The following RGPD8 variants were observed in gnomAD, a reference collection of about 807,000 sequenced individuals.
RGPD8 encodes RANBP2-like and GRIP domain-containing protein 8.
Under a neutral mutation model 89.1 loss-of-function variants are expected in RGPD8, and 15 were observed. The ratio of observed to expected loss-of-function variants is 0.17; its 90% CI spans 0.11 to 0.26. RGPD8 has a LOEUF of 0.26. Among genes scored for constraint, RGPD8 ranks in the 10% least tolerant of loss-of-function variants. The probability of loss-of-function intolerance (pLI) is 1.00; values close to 1 mark genes in which losing one functional copy is unlikely to be tolerated. For synonymous variants in RGPD8, 62 were observed against 420.9 expected (o/e 0.15, Z 10.44); for missense variants, 178 against 1,179.6 (o/e 0.15, Z 12.44).
chr2:112,414,737 C>A (rs1159091082), intron 6 of RGPD8, among the ~76,000 whole-genome samples: 1 of 70,992 alleles, frequency 1.4e-5, no homozygotes, highest in African/African-American at 6.7e-5. Context: ...GAGACCGAGA[C>A]CAGCCGGGCG....
At chr2:112,424,510 A>G (rs1679677332) in intron 1 of RGPD8, among the ~76,000 whole-genome samples, 1 of 152,106 alleles carries the variant, frequency 6.6e-6, no homozygotes, top group Non-Finnish European at 1.5e-5. Flanking sequence ...ACCTGAGGTC[A>G]GGAGTTTGAG....
intron 6 of RGPD8, 23 bp downstream of exon 6, chr2:112,417,170 C>T: frequency 6.2e-7 from 1 of 1,608,220 alleles, no homozygotes; most frequent in South Asian, 1.1e-5. Context: ...TATACTAAAG[C>T]ATTCTCCTCA....
At chr2:112,427,610 A>G (rs1372027791) in intron 1 of RGPD8, among the ~76,000 whole-genome samples, 2 of 152,086 alleles carry the variant, frequency 1.3e-5, no homozygotes, top group Non-Finnish European at 1.5e-5. Flanking sequence ...CCAAAACTTA[A>G]TATTTGTGGC....
At chr2:112,412,828 CT>C (rs1679239489) in intron 6 of RGPD8, among the ~76,000 whole-genome samples, 1 of 148,852 alleles carries the variant, frequency 6.7e-6, no homozygotes, top group African/African-American at 2.5e-5. Context: ...ATACTTCATG[CT>C]TAACCTCTCA....
At chr2:112,429,591 A>G (rs947089555) in intron 1 of RGPD8, among the ~76,000 whole-genome samples, 5 of 152,060 alleles carry the variant, frequency 3.3e-5, no homozygotes, top group Non-Finnish European at 5.9e-5. Context: ...CTAAGTACTC[A>G]GGAAACAGAG....
Position 112,422,667 on chromosome 2 carries a change from T to G in RGPD8, c.141-8A>C. On this transcript the variant is annotated splice_polypyrimidine_tract_variant and splice_region_variant and intron_variant, in intron 2 of 22. Transcript: ENST00000302558. Reference sequence around the variant, plus strand: ...ATGTAAGTACATATGTATCTGTTTTTTAAAAGTAATACAAAAGTAAATTAA... The same window carrying G: ...ATGTAAGTACATATGTATCTGTTTTGTAAAAGTAATACAAAAGTAAATTAA... The G allele has an allele frequency of 1.3e-6, 2 of 1,498,140 alleles. No individual in the cohort carries two copies. The highest frequency in any genetic ancestry group is 1.8e-6 in the Non-Finnish European group (2 of 1,106,792). 92.8% of individuals were successfully genotyped at this position (1,498,140 alleles called of 1,614,324 possible).
intron 7 of RGPD8, among the ~76,000 whole-genome samples, chr2:112,411,022 T>C (rs1679164448): frequency 1.3e-5 from 2 of 151,896 alleles, no homozygotes; most frequent in Admixed American, 6.6e-5. Context: ...GAGGCAGAGG[T>C]TGCAGTGAGC....
chr2:112,433,405 C>T lies in RGPD8; in HGVS notation c.49G>A (p.Gly17Ser). 5.6e-6 allele frequency: 9 copies of T among 1,610,622 alleles called. No individual in the cohort carries two copies. The highest frequency in any genetic ancestry group is 6.8e-6 in the Non-Finnish European group (8 of 1,179,186). ...ACCTGTCGAGGCGACGGGGTGAGACCCAGCACCGAGGCGACGTACCGCTCC... is the reference window on the plus strand; with the variant it reads ...ACCTGTCGAGGCGACGGGGTGAGACTCAGCACCGAGGCGACGTACCGCTCC... ...DVERYVASVL[G>S]LTPSPRQKSM... Residue 17 changes from glycine (G) to serine (S), a missense_variant, in exon 1 of 23, where the codon GGT becomes AGT. Coordinates refer to ENST00000302558, the MANE Select transcript of RGPD8 (RefSeq NM_001164463.1).
At chr2:112,428,996 T>C (rs960754276) in intron 1 of RGPD8, among the ~76,000 whole-genome samples, 2 of 151,156 alleles carry the variant, frequency 1.3e-5, no homozygotes, top group African/African-American at 4.9e-5. Context: ...AATGCAAAAA[T>C]ATTTACCTTC....
intron 21 of RGPD8, among the ~76,000 whole-genome samples, chr2:112,379,385 AGG>A (rs1678201326): frequency 6.6e-6 from 1 of 151,018 alleles, no homozygotes; most frequent in African/African-American, 2.4e-5. Flanking sequence ...TCACGAGGTC[AGG>A]AGATTCAGAC....
Position 112,433,601 on chromosome 2 carries a change from C to G in RGPD8, c.-148G>C, listed in dbSNP as rs1390937606. 28 of 865,862 alleles carry G rather than the reference C, an allele frequency of 3.2e-5. No homozygotes were observed. The highest frequency in any genetic ancestry group is 4.5e-5 in the Non-Finnish European group (26 of 576,200). The allele number at this position is 865,862 out of a possible 1,614,324, so 53.6% of individuals were successfully genotyped here. A position where few individuals can be genotyped will look rare whatever the true frequency, so the allele number is the denominator to read the frequency against. ...TGTGACGAGCGTGCGGCGCCGCCCA[C>G]GGAGGCCCACTGTGACGAACCTGCG... On this transcript the variant is annotated 5_prime_UTR_variant, in exon 1 of 23. Transcript: ENST00000302558.
At chr2:112,410,580 A>G (rs1271148214) in intron 7 of RGPD8, among the ~76,000 whole-genome samples, 1 of 150,878 alleles carries the variant, frequency 6.6e-6, no homozygotes, top group Non-Finnish European at 1.5e-5. Context: ...GATCGAGACC[A>G]TCCTGGCTAA....
At chr2:112,433,244 C>A (rs560283384) in intron 1 of RGPD8, 138 bp downstream of exon 1, 3 of 967,548 alleles carry the variant, frequency 3.1e-6, no homozygotes, top group Admixed American at 8.3e-5. Flanking sequence ...TGGAGGCCGC[C>A]GCCTCAACAG....
chr2:112,414,425 C>T (rs1217831775), intron 6 of RGPD8, among the ~76,000 whole-genome samples: 4 of 102,056 alleles, frequency 3.9e-5, no homozygotes, highest in African/African-American at 4.5e-5. Context: ...TGCAGTGATC[C>T]GAGATCACAC....
chr2:112,430,253 G>T lies in RGPD8; in HGVS notation c.72+3129C>A, dbSNP rs927048815. 3.0e-4 allele frequency among the ~76,000 whole-genome samples: 45 copies of T among 152,128 alleles called. 2 individuals are homozygous for T. The highest frequency in any genetic ancestry group is 2.4e-5 in the African/African-American group (1 of 41,408). The stretch of plus-strand genomic sequence containing the variant: ...GGCCAGCCTCTGCCAAACTGGGGGA[G>T]AATACTAACCTCTTCATATTCTTCA... On this transcript the variant is annotated intron_variant, in intron 1 of 22. Transcript: ENST00000302558.
chr2:112,431,273 A>C (rs1434476864), intron 1 of RGPD8, among the ~76,000 whole-genome samples: 1 of 152,122 alleles, frequency 6.6e-6, no homozygotes, highest in Non-Finnish European at 1.5e-5. Context: ...ATAAAATAAC[A>C]CAAAAATTAA....
intron 20 of RGPD8, among the ~76,000 whole-genome samples, chr2:112,385,615 TATTA>T (rs1319517542): frequency 1.4e-5 from 2 of 139,944 alleles, no homozygotes; most frequent in Non-Finnish European, 3.1e-5. Context: ...TTAATTTTTA[TATTA>T]ATTAGAAGTT....
intron 6 of RGPD8, among the ~76,000 whole-genome samples, chr2:112,413,564 C>A (rs1679268154): frequency 7.9e-6 from 1 of 126,552 alleles, no homozygotes. Context: ...ATAAAGCAAC[C>A]AGAGCAAGTG....
At chr2:112,422,432 T>C (rs1039350478) in intron 3 of RGPD8, 116 bp downstream of exon 3, 22 of 1,465,358 alleles carry the variant, frequency 1.5e-5, no homozygotes, top group Middle Eastern at 2.4e-4. Context: ...AATTGTACTA[T>C]GATACCAATG....
Sources: allele counts gnomAD v4.1 joint callset (sites outside exome capture counted in the v4.1 genomes callset), GRCh38; gene constraint gnomAD v4.1.1; transcripts MANE v1.5; gene names NCBI Gene and HGNC (gene_info 2026-07-23, HGNC 2026-07-21).